Variants in RREB1 observed in about 807,000 individuals in gnomAD.
The protein encoded by RREB1 is ras responsive element binding protein 1, also known as ras-responsive element-binding protein 1.
RREB1 carries 27 observed loss-of-function variants against 117.8 expected under a neutral mutation model. The observed-to-expected ratio is 0.23, with a 90% confidence interval of 0.17 to 0.32. The LOEUF (loss-of-function observed/expected upper bound fraction) is 0.32. Ranked by LOEUF, RREB1 falls within the 10% of genes least tolerant of loss-of-function variation. The probability of loss-of-function intolerance (pLI) is 1.00; values close to 1 mark genes in which losing one functional copy is unlikely to be tolerated. For synonymous variants in RREB1, 1,298 were observed against 1,026.7 expected (o/e 1.26, Z -5.05); for missense variants, 2,577 against 2,378.2 (o/e 1.08, Z -1.74).
intron 1 of RREB1, among the ~76,000 whole-genome samples, chr6:7,116,413 A>G (rs573328547): frequency 6.6e-6 from 1 of 152,184 alleles, no homozygotes; most frequent in East Asian, 1.9e-4. Flanking sequence ...TTCTGTTGTG[A>G]GTAACTTTTA....
chr6:7,140,715 C>T (rs1762527149), intron 1 of RREB1: 1 of 152,272 alleles, frequency 6.6e-6, no homozygotes, highest in Non-Finnish European at 1.5e-5. Context: ...TGCCCCATGA[C>T]TAAGGCTGAA....
intron 1 of RREB1, among the ~76,000 whole-genome samples, chr6:7,161,746 A>G (rs1763674095): frequency 6.6e-6 from 1 of 151,524 alleles, no homozygotes; most frequent in African/African-American, 2.4e-5. Flanking sequence ...TCTCTTCCTA[A>G]CTCCTGCCCT....
intron 6 of RREB1, among the ~76,000 whole-genome samples, chr6:7,189,667 A>C (rs1765293932): frequency 6.6e-6 from 1 of 152,226 alleles, no homozygotes; most frequent in Admixed American, 6.5e-5. Flanking sequence ...TGCCATTTAA[A>C]AAATATTTGC....
chr6:7,187,540 C>CTTTTATTTTATTTTATTTTA lies in RREB1; in HGVS notation c.261+48_261+67dup, dbSNP rs3028658. Reference sequence around the variant, plus strand: ...ATTCGCCAGGTAGATTCCCACTGTTCTTTTATTTTATTTTATTTTATTTTA... The same window carrying CTTTTATTTTATTTTATTTTA: ...ATTCGCCAGGTAGATTCCCACTGTTCTTTTATTTTATTTTATTTTATTTTATTTTATTTTATTTTATTTTA... On this transcript the variant is annotated intron_variant, in intron 5 of 12. Transcript: ENST00000379938. 6.1e-5 allele frequency: 52 copies of CTTTTATTTTATTTTATTTTA among 847,852 alleles called. 1 individual carries two copies. The highest frequency in any genetic ancestry group is 5.6e-4 in the East Asian group (17 of 30,228). The allele number at this position is 847,852 out of a possible 1,614,324, so 52.5% of individuals were successfully genotyped here.
At chr6:7,121,603 CTTTGGG>C (rs1281190540) in intron 1 of RREB1, among the ~76,000 whole-genome samples, 1 of 152,068 alleles carries the variant, frequency 6.6e-6, no homozygotes, top group Non-Finnish European at 1.5e-5. Flanking sequence ...ACTAGATCTC[CTTTGGG>C]TGCCAAAGGA....
chr6:7,234,992 G>C (rs1327032307), intron 10 of RREB1, among the ~76,000 whole-genome samples: 2 of 152,238 alleles, frequency 1.3e-5, no homozygotes, highest in African/African-American at 2.4e-5. Context: ...AGTAGTTTGA[G>C]ATAAGGGGGG....
chr6:7,136,783 CCT>C (rs1762365302), intron 1 of RREB1, among the ~76,000 whole-genome samples: 1 of 152,102 alleles, frequency 6.6e-6, no homozygotes, highest in African/African-American at 2.4e-5. Flanking sequence ...AGTTCTGAAG[CCT>C]GATGTTTTCA....
At chr6:7,178,596 A>G (rs1205680182) in intron 2 of RREB1, among the ~76,000 whole-genome samples, 1 of 152,252 alleles carries the variant, frequency 6.6e-6, no homozygotes, top group Non-Finnish European at 1.5e-5. Context: ...AAACTGAAGT[A>G]CAATCTTGTC....
chr6:7,166,908 A>G (rs1435604782), intron 1 of RREB1, among the ~76,000 whole-genome samples: 1 of 152,188 alleles, frequency 6.6e-6, no homozygotes, highest in Non-Finnish European at 1.5e-5. Flanking sequence ...GAGTTGCAGG[A>G]TATTGCCTAA....
At chr6:7,180,026 GT>G (rs1764710864) in intron 2 of RREB1, among the ~76,000 whole-genome samples, 1 of 151,908 alleles carries the variant, frequency 6.6e-6, no homozygotes, top group Admixed American at 6.6e-5. Context: ...AAGTATAGAT[GT>G]TTTTTTGGGG....
At chr6:7,173,644 T>C (rs536066897) in intron 1 of RREB1, among the ~76,000 whole-genome samples, 1 of 152,194 alleles carries the variant, frequency 6.6e-6, no homozygotes, top group African/African-American at 2.4e-5. Flanking sequence ...AATTTTAGTC[T>C]CAACTAAAAA....
intron 10 of RREB1, among the ~76,000 whole-genome samples, chr6:7,237,473 C>T (rs1209733774): frequency 1.3e-5 from 2 of 152,046 alleles, no homozygotes; most frequent in African/African-American, 2.4e-5. Flanking sequence ...AGCGATCCAC[C>T]TCCGTTGGCC....
chr6:7,206,408 A>G (rs1440486449), intron 6 of RREB1, among the ~76,000 whole-genome samples: 2 of 152,234 alleles, frequency 1.3e-5, no homozygotes, highest in Non-Finnish European at 2.9e-5. Context: ...TGAGTGAAGC[A>G]AACATTTTCT....
intron 2 of RREB1, among the ~76,000 whole-genome samples, chr6:7,177,055 A>G (rs1173472885): frequency 6.6e-6 from 1 of 151,792 alleles, no homozygotes; most frequent in East Asian, 1.9e-4. Flanking sequence ...TATCTCTACT[A>G]AAAATAAAAA....
chr6:7,233,639 T>G (rs1195077539), intron 10 of RREB1, among the ~76,000 whole-genome samples: 1 of 152,246 alleles, frequency 6.6e-6, no homozygotes, highest in East Asian at 1.9e-4. Context: ...GGGTTTTTTT[T>G]GTGGGTTTTT....
At chr6:7,215,927 C>G (rs540451230) in intron 8 of RREB1, 1 of 133,396 alleles carries the variant, frequency 7.5e-6, no homozygotes, top group Non-Finnish European at 1.6e-5. Flanking sequence ...AGCTTTGACG[C>G]GGAGCCATGT....
intron 1 of RREB1, among the ~76,000 whole-genome samples, chr6:7,163,683 C>T (rs181615494): frequency 9.9e-5 from 15 of 152,266 alleles, no homozygotes; most frequent in Admixed American, 3.3e-4. Context: ...CGTGAGCCAC[C>T]GCGCCTGGCA....
At chr6:7,244,468 G>C (rs1453122002) in intron 11 of RREB1, among the ~76,000 whole-genome samples, 2 of 152,092 alleles carry the variant, frequency 1.3e-5, no homozygotes, top group Non-Finnish European at 2.9e-5. Context: ...TTTTATTGTA[G>C]AGTTTATACC....
chr6:7,185,707 T>G (rs566028781), intron 4 of RREB1, among the ~76,000 whole-genome samples: 43 of 152,254 alleles, frequency 2.8e-4, no homozygotes, highest in Non-Finnish European at 6.2e-4. Context: ...CATTTGCTTT[T>G]ATAGTCTTCA....
Sources: allele counts gnomAD v4.1 joint callset (sites outside exome capture counted in the v4.1 genomes callset), GRCh38; gene constraint gnomAD v4.1.1; transcripts MANE v1.5; gene names NCBI Gene and HGNC (gene_info 2026-07-23, HGNC 2026-07-21).